DUSP10: variants seen among roughly 807,000 people sequenced by gnomAD.
DUSP10 encodes the protein dual specificity phosphatase 10.
DUSP10 carries 14 observed loss-of-function variants against 30.8 expected under a neutral mutation model. That is an observed-to-expected ratio of 0.46 (90% CI 0.30 to 0.71). DUSP10 has a LOEUF of 0.71. DUSP10 is among the 30% of genes least tolerant of loss of function. The pLI, the probability that DUSP10 is intolerant of heterozygous loss-of-function variation, is 0.08. For synonymous variants in DUSP10, 254 were observed against 250.4 expected, an observed-to-expected ratio of 1.01 and a Z score of -0.14; for missense variants, 550 against 619.4, an observed-to-expected ratio of 0.89 and a Z score of 1.19.
intron 3 of DUSP10, among the ~76,000 whole-genome samples, chr1:221,705,340 A>G (rs1660723470): frequency 1.3e-5 from 2 of 151,886 alleles, no homozygotes; most frequent in South Asian, 4.2e-4. Context: ...CAAACTCCTG[A>G]CCTCAGGTGA....
intron 2 of DUSP10, among the ~76,000 whole-genome samples, chr1:221,716,706 G>C (rs923363150): frequency 6.6e-6 from 1 of 152,174 alleles, no homozygotes; most frequent in South Asian, 2.1e-4. Context: ...AGGGGTCAGG[G>C]GCCGACAGAA....
chr1:221,714,063 GA>G (rs138633178), intron 2 of DUSP10, among the ~76,000 whole-genome samples: 2 of 151,342 alleles, frequency 1.3e-5, no homozygotes. Flanking sequence ...TGTTTTAAGA[GA>G]AAAAAAAATT....
chr1:221,735,538 A>G lies in DUSP10; in HGVS notation c.811+3396T>C, dbSNP rs547298911. Among the ~76,000 whole-genome samples, 4 of 152,372 alleles carry G rather than the reference A, an allele frequency of 2.6e-5. No homozygotes were observed. In the South Asian group the frequency reaches 6.2e-4, roughly 24 times the overall value. ...TAAACATACTTAAATACATTAAAAC[A>G]TTATCTATATTTTTAAATATTTCAA... On this transcript the variant is annotated intron_variant, in intron 2 of 3. Coordinates refer to ENST00000366899, the MANE Select transcript of DUSP10 (RefSeq NM_007207.6).
intron 2 of DUSP10, among the ~76,000 whole-genome samples, chr1:221,721,588 C>T (rs1263662499): frequency 6.6e-6 from 1 of 152,198 alleles, no homozygotes; most frequent in African/African-American, 2.4e-5. Flanking sequence ...TGCTGGGCCT[C>T]CCTTAAATGT....
chr1:221,736,978 A>C (rs558306107), intron 2 of DUSP10: 1 of 985,506 alleles, frequency 1.0e-6, no homozygotes, highest in African/African-American at 1.7e-5. Context: ...CATTGAGGCA[A>C]TCTTACTCTG....
chr1:221,726,143 A>T (rs1210138092), intron 2 of DUSP10, among the ~76,000 whole-genome samples: 1 of 152,234 alleles, frequency 6.6e-6, no homozygotes, highest in Non-Finnish European at 1.5e-5. Context: ...TCTTACACTC[A>T]GGAAAGAAAA....
At chr1:221,731,520 T>C (rs541033203) in intron 2 of DUSP10, among the ~76,000 whole-genome samples, 34 of 152,046 alleles carry the variant, frequency 2.2e-4, no homozygotes, top group African/African-American at 8.0e-4. Flanking sequence ...TAAAAACCAA[T>C]GAATCATTTC....
intron 2 of DUSP10, among the ~76,000 whole-genome samples, chr1:221,717,981 T>C (rs1388942167): frequency 6.6e-6 from 1 of 152,036 alleles, no homozygotes; most frequent in African/African-American, 2.4e-5. Context: ...ATACTTACTT[T>C]TGAAGAGCCA....
In DUSP10 at chr1:221,705,400, C is replaced by T. The variant is rs532564639; in HGVS notation, c.1183+695G>A. ...TGCTGGGATTACAGGCATGAGCCAC[C>T]GCGCCCGGCGATATTTTGAGTCTTA... On this transcript the variant is annotated intron_variant, in intron 3 of 3. Transcript: ENST00000366899. Among the ~76,000 whole-genome samples the T allele has an allele frequency of 4.0e-4, 61 of 152,284 alleles. No individual in the cohort carries two copies. In the South Asian group the frequency reaches 7.3e-3, roughly 18 times the overall value.
chr1:221,717,103 T>G (rs928465910), intron 2 of DUSP10, among the ~76,000 whole-genome samples: 1 of 152,146 alleles, frequency 6.6e-6, no homozygotes, highest in African/African-American at 2.4e-5. Flanking sequence ...GTCCAGTTCC[T>G]GGGTGCTATG....
chr1:221,706,374 C>A lies in DUSP10; in HGVS notation c.904G>T (p.Ala302Ser). 1 of 1,590,248 alleles carries A rather than the reference C, an allele frequency of 6.3e-7. No homozygotes were observed. The highest frequency in any genetic ancestry group is 1.1e-5 in the South Asian group (1 of 87,992). Residue 302 changes from alanine to serine, a missense_variant, in exon 3 of 4, where the codon GCG (alanine) becomes TCG (serine). Ala to Ser is a moderately conservative substitution (Grantham distance 99, BLOSUM62 1). Coordinates refer to ENST00000366899, the MANE Select transcript of DUSP10 (RefSeq NM_007207.6). The surrounding 1 kb of genome is among the most constrained non-coding windows in gnomAD (Gnocchi z 4.6). Reference sequence around the variant, plus strand: ...GGCTGAGGTAGCAAGCTCGAGGCCGCGGATGCGCCGCCCCCCACCTCCCGG... The same window carrying A: ...GGCTGAGGTAGCAAGCTCGAGGCCGAGGATGCGCCGCCCCCCACCTCCCGG... ...ECREVGGGASAASSLLPQPIP... is the reference protein window; with the variant it reads ...ECREVGGGASSASSLLPQPIP...
chr1:221,706,618 A>G lies in DUSP10; in HGVS notation c.812-152T>C. 1.7e-6 allele frequency: 1 copy of G among 572,914 alleles called. No homozygotes were observed. Among genetic ancestry groups the G allele is most frequent in the East Asian group, 3.5e-5 (1 of 28,736 alleles). 35.5% of individuals were successfully genotyped at this position (572,914 alleles called of 1,614,324 possible). On this transcript the variant is annotated intron_variant, in intron 2 of 3. Coordinates refer to ENST00000366899, the MANE Select transcript of DUSP10 (RefSeq NM_007207.6). This position sits in a 1 kb window ranked among gnomAD's most constrained non-coding sequence, Gnocchi z 4.6. Reference sequence around the variant, plus strand: ...TTAAGCAAAAAAAATAAAAATAAAAATAAAACAAAACAAAACAAAAACTAA... The same window carrying G: ...TTAAGCAAAAAAAATAAAAATAAAAGTAAAACAAAACAAAACAAAAACTAA...
chr1:221,726,162 TA>T (rs1479490826), intron 2 of DUSP10, among the ~76,000 whole-genome samples: 8 of 152,128 alleles, frequency 5.3e-5, no homozygotes, highest in African/African-American at 1.7e-4. Context: ...AAGCAGAAGT[TA>T]AAAAGTGAAA....
At chr1:221,707,512 A>G (rs1660802687) in intron 2 of DUSP10, among the ~76,000 whole-genome samples, 2 of 152,292 alleles carry the variant, frequency 1.3e-5, no homozygotes, top group East Asian at 3.9e-4. Flanking sequence ...TAGTATAAAA[A>G]GCTTATAAAC....
intron 2 of DUSP10, among the ~76,000 whole-genome samples, chr1:221,707,458 T>A (rs977997574): frequency 6.6e-6 from 1 of 152,230 alleles, no homozygotes; most frequent in Non-Finnish European, 1.5e-5. Flanking sequence ...GAATGCATGC[T>A]TTTGAGCTTA....
chr1:221,717,456 AAC>A lies in DUSP10; in HGVS notation c.812-10992_812-10991del, dbSNP rs143122599. Among the ~76,000 whole-genome samples the A allele has an allele frequency of 4.7e-3, 558 of 118,520 alleles. 14 individuals are homozygous for A. The East Asian group carries it at 0.083, about 18-fold the overall frequency. The allele number at this position is 118,520 out of a possible 152,430, so 77.8% of individuals were successfully genotyped here. On this transcript the variant is annotated intron_variant, in intron 2 of 3. Transcript: ENST00000366899. ...AGAAAAGAGGGGGGAGGGGAAAAGA[AAC>A]AGAGAGAGAGAGAGAGAGAGAACGC...
At chr1:221,741,487 G>A (rs1056549952) in intron 1 of DUSP10, among the ~76,000 whole-genome samples, 2 of 152,078 alleles carry the variant, frequency 1.3e-5, no homozygotes, top group African/African-American at 2.4e-5. Flanking sequence ...CATACTGCCC[G>A]TGAAACCATC....
chr1:221,709,061 G>A (rs528759075), intron 2 of DUSP10, among the ~76,000 whole-genome samples: 18 of 149,894 alleles, frequency 1.2e-4, no homozygotes, highest in Admixed American at 3.3e-4. Flanking sequence ...AAAAAGCAGC[G>A]TCCAGCTTTT....
In DUSP10 at chr1:221,718,807, T is replaced by C. The variant is rs569307245; in HGVS notation, c.812-12341A>G. Among the ~76,000 whole-genome samples the C allele has an allele frequency of 2.8e-4, 43 of 152,338 alleles. 2 individuals are homozygous for C. The South Asian group carries it at 8.9e-3, about 32-fold the overall frequency. ...TTCACAGCAAAAGTATGTTTCCCAA[T>C]GGGATTTAAGTAAAGTCCAATTAAA... On this transcript the variant is annotated intron_variant, in intron 2 of 3. Coordinates refer to ENST00000366899, the MANE Select transcript of DUSP10 (RefSeq NM_007207.6).
Sources: gnomAD v4.1 joint callset for allele counts (sites outside exome capture counted in the v4.1 genomes callset) on GRCh38, gnomAD v4.1.1 for gene constraint, Gnocchi (gnomAD v3.1) non-coding constraint, MANE v1.5 for transcripts, NCBI Gene and HGNC (gene_info 2026-07-23, HGNC 2026-07-21) for gene names.